PTDSS2: variants seen among roughly 807,000 people sequenced by gnomAD.
The protein encoded by PTDSS2 is phosphatidylserine synthase 2, also known as PSS-2.
A neutral mutation model predicts 64.7 loss-of-function variants in PTDSS2; 41 were observed. The ratio of observed to expected loss-of-function variants is 0.63; its 90% CI spans 0.49 to 0.82. The LOEUF (loss-of-function observed/expected upper bound fraction) is 0.82, where lower values mean the gene tolerates loss of function less well. Ranked by LOEUF, PTDSS2 falls within the 40% of genes least tolerant of loss-of-function variation. PTDSS2 has a pLI of 0.00. For missense variants in PTDSS2, 485 were observed against 650.0 expected (o/e 0.75, Z 2.76); for synonymous variants, 297 against 277.8 (o/e 1.07, Z -0.69).
At chr11:467,735 A>G (rs1847205376) in intron 2 of PTDSS2, among the ~76,000 whole-genome samples, 1 of 152,226 alleles carries the variant, frequency 6.6e-6, no homozygotes, top group Non-Finnish European at 1.5e-5. Flanking sequence ...TCTGTCTCAA[A>G]AAATATAGAT....
chr11:468,940 A>C (rs182748389), intron 2 of PTDSS2, among the ~76,000 whole-genome samples: 170 of 131,012 alleles, frequency 1.3e-3, no homozygotes, highest in African/African-American at 4.4e-3. Flanking sequence ...TAATCGGAGA[A>C]AGAGGGGAGT....
chr11:486,739 T>C (rs1848409641), intron 4 of PTDSS2, among the ~76,000 whole-genome samples, 200 bp from the exon 5 acceptor site: 1 of 151,874 alleles, frequency 6.6e-6, no homozygotes, highest in Non-Finnish European at 1.5e-5. Flanking sequence ...TCCCAGCTAC[T>C]CGGGAGGCTG....
At chr11:451,266 T>A (rs1463704622) in intron 1 of PTDSS2, 3 of 378,532 alleles carry the variant, frequency 7.9e-6, no homozygotes, top group Non-Finnish European at 1.7e-5. Context: ...CACCTTGGGG[T>A]CCCCCTGTCC....
intron 2 of PTDSS2, among the ~76,000 whole-genome samples, chr11:467,291 C>T (rs1317095170): frequency 1.3e-5 from 2 of 152,166 alleles, no homozygotes; most frequent in African/African-American, 4.8e-5. Context: ...CATCATTTGT[C>T]CTTCAGGAAC....
At chr11:455,543 C>T (rs1385991471) in intron 1 of PTDSS2, among the ~76,000 whole-genome samples, 2 of 152,200 alleles carry the variant, frequency 1.3e-5, no homozygotes, top group Non-Finnish European at 1.5e-5. Context: ...GTCAGGAAGC[C>T]CCAGGATGAG....
At chr11:466,712 A>T (rs372242915) in intron 2 of PTDSS2, among the ~76,000 whole-genome samples, 6 of 151,954 alleles carry the variant, frequency 3.9e-5, no homozygotes, top group African/African-American at 9.7e-5. Flanking sequence ...CACGGCCAAA[A>T]CTGCCGCTTC....
intron 2 of PTDSS2, among the ~76,000 whole-genome samples, chr11:467,263 C>T (rs903219788): frequency 1.1e-4 from 17 of 152,010 alleles, no homozygotes; most frequent in Admixed American, 7.9e-4. Context: ...CGGGAGATTG[C>T]GGTGGGAGGA....
At chr11:475,568 C>T (rs978629980) in intron 3 of PTDSS2, among the ~76,000 whole-genome samples, 1 of 152,230 alleles carries the variant, frequency 6.6e-6, no homozygotes, top group Admixed American at 6.5e-5. Flanking sequence ...GACATATTCA[C>T]GCGTTTGTGT....
intron 1 of PTDSS2, among the ~76,000 whole-genome samples, chr11:451,871 G>C (rs1255170654): frequency 6.6e-6 from 1 of 152,218 alleles, no homozygotes; most frequent in African/African-American, 2.4e-5. Context: ...GAGGGCATCC[G>C]AGCTCTCCTT....
chr11:464,227 C>T (rs1323782221), intron 2 of PTDSS2, among the ~76,000 whole-genome samples: 2 of 152,174 alleles, frequency 1.3e-5, no homozygotes, highest in African/African-American at 2.4e-5. Flanking sequence ...AGACAGTACA[C>T]CCGCCTCAGC....
At position 488,185 on chromosome 11, in the gene PTDSS2, C is replaced by A; in HGVS notation, c.622-14C>A. 1 of 1,596,792 alleles carries A rather than the reference C, an allele frequency of 6.3e-7. No individual in the cohort carries two copies. The highest frequency in any genetic ancestry group is 8.6e-7 in the Non-Finnish European group (1 of 1,165,274). ...GCCGGCGTCCCATACTCTGGCTGAC[C>A]CTGGCGCCCACAGACCCTGATGATC... is the stretch of plus-strand genomic sequence containing the variant. On this transcript the variant is annotated splice_polypyrimidine_tract_variant and intron_variant, in intron 6 of 11. Coordinates refer to ENST00000308020, the MANE Select transcript of PTDSS2 (RefSeq NM_030783.3).
Position 460,152 on chromosome 11 carries a change from C to A in PTDSS2, c.183-35C>A. 6.4e-7 allele frequency: 1 copy of A among 1,560,894 alleles called. No individual in the cohort carries two copies. Among genetic ancestry groups the A allele is most frequent in the Non-Finnish European group, 8.8e-7 (1 of 1,131,790 alleles). On this transcript the variant is annotated intron_variant, in intron 1 of 11. Transcript: ENST00000308020. The surrounding 1 kb of genome is among the most constrained non-coding windows in gnomAD (Gnocchi z 5.8). ...TGAGTATTTAGCAATGCTGCCCAAG[C>A]TCTGACACCATGCTTATGCGTTTTT...
chr11:480,557 T>C (rs1848024693), intron 4 of PTDSS2: 1 of 157,798 alleles, frequency 6.3e-6, no homozygotes, highest in African/African-American at 2.4e-5. Context: ...CGCTCCTCTT[T>C]CTTTTACTAT....
chr11:452,719 A>ACTCAC (rs1314628733), intron 1 of PTDSS2, among the ~76,000 whole-genome samples: 2 of 152,020 alleles, frequency 1.3e-5, no homozygotes, highest in Non-Finnish European at 2.9e-5. Flanking sequence ...TGTGCAGAGG[A>ACTCAC]AGGAGCTTCA....
chr11:477,913 C>T (rs868620194), intron 3 of PTDSS2, among the ~76,000 whole-genome samples: 1 of 152,232 alleles, frequency 6.6e-6, no homozygotes. Context: ...CCAGACCTCC[C>T]TGTGCAGCTT....
chr11:458,362 C>G (rs1480232240), intron 1 of PTDSS2, among the ~76,000 whole-genome samples: 2 of 151,556 alleles, frequency 1.3e-5, no homozygotes, highest in Admixed American at 6.6e-5. Context: ...CCACCCACCA[C>G]ACCCGGCTAA....
Position 473,345 on chromosome 11 carries a change from G to A in PTDSS2, c.285-550G>A, listed in dbSNP as rs116376378. Among the ~76,000 whole-genome samples the A allele has an allele frequency of 7.4e-4, 112 of 152,370 alleles. 1 individual carries two copies. Among genetic ancestry groups the A allele is most frequent in the African/African-American group, 2.6e-3 (109 of 41,592 alleles). ...CAAAAAGACACAGGAGCTCTCTAGA[G>A]ACACTTCCTGGGGGTCCTGCCGCGT... On this transcript the variant is annotated intron_variant, in intron 2 of 11. Transcript: ENST00000308020.
Position 490,643 on chromosome 11 carries a change from G to C in PTDSS2, c.*61G>C. 6.7e-7 allele frequency: 1 copy of C among 1,486,290 alleles called. No individual in the cohort carries two copies. Among genetic ancestry groups the C allele is most frequent in the Non-Finnish European group, 9.0e-7 (1 of 1,105,346 alleles). 92.1% of individuals were successfully genotyped at this position (1,486,290 alleles called of 1,614,324 possible). A position where few individuals can be genotyped will look rare whatever the true frequency, so the allele number is the denominator to read the frequency against. ...CCAGGCCTCCGTGGCCTCCTCCTGTGTGAGTCCCACCAGGAGCCACGTGCC... is the reference window on the plus strand; with the variant it reads ...CCAGGCCTCCGTGGCCTCCTCCTGTCTGAGTCCCACCAGGAGCCACGTGCC... On this transcript the variant is annotated 3_prime_UTR_variant, in exon 12 of 12. Coordinates refer to ENST00000308020, the MANE Select transcript of PTDSS2 (RefSeq NM_030783.3).
intron 4 of PTDSS2, among the ~76,000 whole-genome samples, chr11:484,315 T>C (rs1848199825): frequency 6.6e-6 from 1 of 152,224 alleles, no homozygotes; most frequent in East Asian, 1.9e-4. Flanking sequence ...TGCTCCAGGC[T>C]CCTCCTGTCC....
Sources: gnomAD v4.1 joint callset for allele counts (sites outside exome capture counted in the v4.1 genomes callset) on GRCh38, gnomAD v4.1.1 for gene constraint, Gnocchi (gnomAD v3.1) non-coding constraint, MANE v1.5 for transcripts, NCBI Gene and HGNC (gene_info 2026-07-23, HGNC 2026-07-21) for gene names.